Variants in PPP2R2B observed in about 807,000 individuals in gnomAD.
The protein encoded by PPP2R2B is protein phosphatase 2 regulatory subunit Bbeta, also known as serine/threonine-protein phosphatase 2A 55 kDa regulatory subunit B beta isoform.
A neutral mutation model predicts 46.0 loss-of-function variants in PPP2R2B; 5 were observed. That is an observed-to-expected ratio of 0.11 (90% CI 0.06 to 0.23). The LOEUF (loss-of-function observed/expected upper bound fraction) is 0.23. Ranked by LOEUF, PPP2R2B falls within the 10% of genes least tolerant of loss-of-function variation. The pLI is 1.00. For synonymous variants in PPP2R2B, 215 were observed against 206.7 expected, an observed-to-expected ratio of 1.04 and a Z score of -0.34; for missense variants, 367 against 575.0, an observed-to-expected ratio of 0.64 and a Z score of 3.70.
In PPP2R2B at chr5:146,746,422, C is replaced by G. The variant is rs893542830; in HGVS notation, c.71-45280G>C. On this transcript the variant is annotated intron_variant, in intron 2 of 9. Transcript: ENST00000394411. ...CATATGTAGCAATCATTAGACAAAG[C>G]AGCCACTGGGTGACAGCCAGAATCA... 6.6e-5 allele frequency among the ~76,000 whole-genome samples: 10 copies of G among 152,092 alleles called. No individual in the cohort carries two copies. The South Asian group carries it at 8.3e-4, about 13-fold the overall frequency.
In PPP2R2B at chr5:146,584,839, T is replaced by C. The variant is rs1406881513; in HGVS notation, c.*5108A>G. ...CTAATGGAAGGAGAGAAACATTGGC[T>C]TTCTGTTTCCATGCCATATGGATTT... On this transcript the variant is annotated 3_prime_UTR_variant, in exon 10 of 10. Coordinates refer to ENST00000394411, the MANE Select transcript of PPP2R2B (RefSeq NM_181675.4). The C allele has an allele frequency of 6.6e-6, 1 of 152,242 alleles. No individual in the cohort carries two copies. Among genetic ancestry groups the C allele is most frequent in the Non-Finnish European group, 1.5e-5 (1 of 68,044 alleles). 9.4% of individuals were successfully genotyped at this position (152,242 alleles called of 1,614,324 possible).
At chr5:146,958,475 T>C (rs1224917127) in intron 1 of PPP2R2B, among the ~76,000 whole-genome samples, 1 of 152,200 alleles carries the variant, frequency 6.6e-6, no homozygotes, top group African/African-American at 2.4e-5. Flanking sequence ...TAACCTCTTA[T>C]TACTTTATTA....
chr5:146,960,507 C>T (rs919656545), intron 1 of PPP2R2B, among the ~76,000 whole-genome samples: 6 of 152,102 alleles, frequency 3.9e-5, no homozygotes, highest in Non-Finnish European at 8.8e-5. Context: ...TCAGGCTGGT[C>T]TCAAACTCCT....
chr5:146,620,388 T>C (rs755796537), intron 7 of PPP2R2B, among the ~76,000 whole-genome samples: 1 of 152,134 alleles, frequency 6.6e-6, no homozygotes, highest in East Asian at 1.9e-4. Flanking sequence ...TGGAAAGATA[T>C]TGATTGAAGG....
intron 2 of PPP2R2B, among the ~76,000 whole-genome samples, chr5:146,809,089 T>C (rs999064066): frequency 6.6e-6 from 1 of 152,102 alleles, no homozygotes; most frequent in Non-Finnish European, 1.5e-5. Flanking sequence ...CTAGAAATTA[T>C]GTATTGTATG....
intron 7 of PPP2R2B, chr5:146,607,175 T>C (rs1233719849): frequency 1.3e-5 from 2 of 152,116 alleles, no homozygotes; most frequent in African/African-American, 4.8e-5. Context: ...ACACATCCAA[T>C]AATTTTGCCC....
chr5:146,968,057 T>C (rs995343513), intron 1 of PPP2R2B, among the ~76,000 whole-genome samples: 1 of 152,048 alleles, frequency 6.6e-6, no homozygotes, highest in Non-Finnish European at 1.5e-5. Flanking sequence ...TAATTGAAAG[T>C]TATGTAGAGG....
intron 2 of PPP2R2B, among the ~76,000 whole-genome samples, chr5:146,737,399 G>A (rs1330701538): frequency 3.3e-5 from 5 of 152,172 alleles, no homozygotes; most frequent in African/African-American, 1.2e-4. Context: ...AGAGCCTGAA[G>A]AAAGTTACTG....
rs930921079 is a variant in PPP2R2B, at chr5:146,707,062, T to C, written c.71-5920A>G. On this transcript the variant is annotated intron_variant, in intron 2 of 9. Transcript: ENST00000394411. ...TTCATTCTCCGTCTCTGTACTCTTA[T>C]TGATCTCATCCTCATAGTTGTTCTT... 50 of 1,187,610 alleles carry C rather than the reference T, an allele frequency of 4.2e-5. No individual in the cohort carries two copies. The African/African-American group carries it at 5.4e-4, about 13-fold the overall frequency. The allele number at this position is 1,187,610 out of a possible 1,614,324, so 73.6% of individuals were successfully genotyped here. A position where few individuals can be genotyped will look rare whatever the true frequency, so the allele number is the denominator to read the frequency against.
At chr5:146,698,184 A>G in intron 3 of PPP2R2B, 40 bp from the exon 4 acceptor site, 1 of 1,511,318 alleles carries the variant, frequency 6.6e-7, no homozygotes, top group South Asian at 1.3e-5. Context: ...ATTAAATCAC[A>G]GTAGCCAACT....
chr5:146,966,237 C>CCTAGTGGAT (rs1231524503), intron 1 of PPP2R2B, among the ~76,000 whole-genome samples: 1 of 152,118 alleles, frequency 6.6e-6, no homozygotes, highest in Non-Finnish European at 1.5e-5. Flanking sequence ...AACACTGCCA[C>CCTAGTGGAT]CTAGTGGATG....
chr5:146,700,989 G>C, intron 3 of PPP2R2B, 56 bp downstream of exon 3: 4 of 1,440,296 alleles, frequency 2.8e-6, no homozygotes, highest in Non-Finnish European at 3.9e-6. Context: ...AGGAACAGTA[G>C]GAGGCCTCCT....
intron 6 of PPP2R2B, among the ~76,000 whole-genome samples, chr5:146,644,234 C>CAAA (rs58634387): frequency 3.6e-4 from 22 of 60,644 alleles, no homozygotes; most frequent in African/African-American, 5.0e-4. Flanking sequence ...AGGAAAGTTT[C>CAAA]AAAAAAAAAA....
rs1335631293 is a variant in PPP2R2B at position 146,589,420 on chromosome 5, CAAAGGAA to C, written c.*520_*526del. The C allele has an allele frequency of 6.5e-6, 1 of 153,432 alleles. No individual in the cohort carries two copies. Among genetic ancestry groups the C allele is most frequent in the Non-Finnish European group, 1.4e-5 (1 of 68,982 alleles). 9.5% of individuals were successfully genotyped at this position (153,432 alleles called of 1,614,324 possible). A position where few individuals can be genotyped will look rare whatever the true frequency, so the allele number is the denominator to read the frequency against. ...AATCTCTGGCTTAAATGAAATTGTT[CAAAGGAA>C]AATGGAAAATGGAAAAAAAAATGGT... On this transcript the variant is annotated 3_prime_UTR_variant, in exon 10 of 10. Coordinates refer to ENST00000394411, the MANE Select transcript of PPP2R2B (RefSeq NM_181675.4).
intron 4 of PPP2R2B, among the ~76,000 whole-genome samples, chr5:146,694,711 A>G (rs7713189): frequency 0.24 from 36,846 of 151,890 alleles, 5,806 homozygotes; most frequent in African/African-American, 0.45. Flanking sequence ...TATACAAGCG[A>G]TACATGGAAT....
At chr5:146,646,037 G>C (rs1416302332) in intron 6 of PPP2R2B, among the ~76,000 whole-genome samples, 1 of 152,138 alleles carries the variant, frequency 6.6e-6, no homozygotes, top group African/African-American at 2.4e-5. Context: ...CTGGTCTATA[G>C]CAGGATTTTT....
At chr5:146,743,396 A>C (rs1752994661) in intron 2 of PPP2R2B, among the ~76,000 whole-genome samples, 1 of 152,204 alleles carries the variant, frequency 6.6e-6, no homozygotes, top group Non-Finnish European at 1.5e-5. Context: ...GGCTAAAGGA[A>C]GGCATCATAT....
At chr5:147,023,713 T>C (rs1324502195) in intron 1 of PPP2R2B, among the ~76,000 whole-genome samples, 1 of 152,148 alleles carries the variant, frequency 6.6e-6, no homozygotes, top group African/African-American at 2.4e-5. Flanking sequence ...GAAACATTAT[T>C]TCTGAGTGTG....
chr5:147,063,683 A>G (rs1335641889), intron 2 of PPP2R2B, among the ~76,000 whole-genome samples: 2 of 152,214 alleles, frequency 1.3e-5, no homozygotes, highest in African/African-American at 2.4e-5. Flanking sequence ...ATATTCTGAT[A>G]TGAAACAATA....
Sources: gnomAD v4.1 joint callset for allele counts (sites outside exome capture counted in the v4.1 genomes callset) on GRCh38, gnomAD v4.1.1 for gene constraint, MANE v1.5 for transcripts, NCBI Gene and HGNC (gene_info 2026-07-23, HGNC 2026-07-21) for gene names.